ARHGAP26: variants seen among roughly 807,000 people sequenced by gnomAD.
ARHGAP26 encodes the protein Rho GTPase activating protein 26.
In ARHGAP26, 38 loss-of-function variants were observed where a neutral mutation model predicts 104.8. The ratio of observed to expected loss-of-function variants is 0.36; its 90% CI spans 0.28 to 0.48. ARHGAP26 has a LOEUF of 0.48. Among genes scored for constraint, ARHGAP26 ranks in the 20% least tolerant of loss-of-function variants. The pLI is 0.99. For missense variants in ARHGAP26, 704 were observed against 947.9 expected (o/e 0.74, Z 3.38); for synonymous variants, 341 against 340.0 (o/e 1.00, Z -0.03).
chr5:142,885,703 C>A (rs1757602311), intron 5 of ARHGAP26, among the ~76,000 whole-genome samples: 1 of 152,142 alleles, frequency 6.6e-6, no homozygotes, highest in Non-Finnish European at 1.5e-5. Context: ...ATTTCTTTTC[C>A]TGTTTCTCTC....
chr5:143,060,636 G>A (rs1015017729), intron 17 of ARHGAP26, among the ~76,000 whole-genome samples: 2 of 151,638 alleles, frequency 1.3e-5, no homozygotes, highest in African/African-American at 4.9e-5. Flanking sequence ...TTTTCTGTTT[G>A]GATCTTGGAA....
intron 1 of ARHGAP26, among the ~76,000 whole-genome samples, chr5:142,844,103 G>A (rs1771397153): frequency 6.7e-6 from 1 of 148,414 alleles, no homozygotes; most frequent in Admixed American, 6.7e-5. Flanking sequence ...CCAGGCTAGA[G>A]TGTAGTGGCA....
chr5:142,874,571 AGAC>A (rs1319415317), intron 2 of ARHGAP26, among the ~76,000 whole-genome samples: 2 of 152,244 alleles, frequency 1.3e-5, no homozygotes, highest in African/African-American at 4.8e-5. Flanking sequence ...ATTTTGGCAA[AGAC>A]GACTGTTCAT....
At chr5:143,221,755 T>A (rs961334838) in intron 22 of ARHGAP26, among the ~76,000 whole-genome samples, 8 of 152,180 alleles carry the variant, frequency 5.3e-5, no homozygotes, top group African/African-American at 1.9e-4. Flanking sequence ...ACTCCTGGGC[T>A]AAAGCAATTC....
At chr5:142,910,256 T>C (rs752533294) in intron 9 of ARHGAP26, among the ~76,000 whole-genome samples, 13 of 152,164 alleles carry the variant, frequency 8.5e-5, no homozygotes, top group Non-Finnish European at 1.5e-4. Context: ...ATTTAACAAG[T>C]TACAGAGCTG....
chr5:142,775,650 C>A (rs1756166787), intron 1 of ARHGAP26, among the ~76,000 whole-genome samples: 1 of 152,214 alleles, frequency 6.6e-6, no homozygotes, highest in Non-Finnish European at 1.5e-5. Flanking sequence ...TCCCCTCCCC[C>A]AACCCTAGTA....
intron 18 of ARHGAP26, among the ~76,000 whole-genome samples, chr5:143,130,461 T>G (rs1298459725): frequency 2.0e-5 from 3 of 152,134 alleles, no homozygotes; most frequent in African/African-American, 7.2e-5. Flanking sequence ...AAAGTCTCTG[T>G]GAAATGAGTA....
At chr5:142,828,400 T>G (rs1767728334) in intron 1 of ARHGAP26, among the ~76,000 whole-genome samples, 1 of 152,176 alleles carries the variant, frequency 6.6e-6, no homozygotes, top group South Asian at 2.1e-4. Flanking sequence ...TGACTTAAGT[T>G]TTTTTTATTT....
intron 1 of ARHGAP26, among the ~76,000 whole-genome samples, chr5:142,779,178 TAGC>T (rs148259581): frequency 0.015 from 2,333 of 152,296 alleles, 68 homozygotes; most frequent in African/African-American, 0.053. Flanking sequence ...ACAACAGCAT[TAGC>T]AGCCAGAGGA....
intron 17 of ARHGAP26, among the ~76,000 whole-genome samples, chr5:143,101,577 C>G (rs1793238971): frequency 6.6e-6 from 1 of 151,922 alleles, no homozygotes; most frequent in African/African-American, 2.4e-5. Flanking sequence ...CCAGGCAGTG[C>G]TTTGGTGTTT....
chr5:142,950,477 CT>C (rs1768146877), intron 11 of ARHGAP26, among the ~76,000 whole-genome samples: 1 of 151,762 alleles, frequency 6.6e-6, no homozygotes, highest in African/African-American at 2.4e-5. Flanking sequence ...GCTGCATGTT[CT>C]TTTTCCTAAA....
intron 20 of ARHGAP26, among the ~76,000 whole-genome samples, chr5:143,157,695 A>G (rs1426789971): frequency 2.0e-5 from 3 of 152,230 alleles, no homozygotes; most frequent in African/African-American, 4.8e-5. Context: ...CTCATAATGG[A>G]TGGCATTACT....
intron 20 of ARHGAP26, among the ~76,000 whole-genome samples, chr5:143,149,444 C>T (rs924450618): frequency 2.0e-5 from 3 of 152,150 alleles, no homozygotes; most frequent in Non-Finnish European, 4.4e-5. Flanking sequence ...ATAAGCTCTG[C>T]AGGCAGGCTC....
At chr5:142,864,919 T>C (rs1166118086) in intron 1 of ARHGAP26, among the ~76,000 whole-genome samples, 1 of 152,238 alleles carries the variant, frequency 6.6e-6, no homozygotes, top group Non-Finnish European at 1.5e-5. Context: ...GCCTCTGAAT[T>C]ACCTTCCCCT....
At chr5:142,824,816 C>T (rs187016126) in intron 1 of ARHGAP26, among the ~76,000 whole-genome samples, 1 of 152,182 alleles carries the variant, frequency 6.6e-6, no homozygotes, top group African/African-American at 2.4e-5. Flanking sequence ...AAGAGTGCCA[C>T]GGAAGGGGCT....
At chr5:142,821,593 A>C (rs1766205858) in intron 1 of ARHGAP26, among the ~76,000 whole-genome samples, 1 of 152,122 alleles carries the variant, frequency 6.6e-6, no homozygotes, top group South Asian at 2.1e-4. Flanking sequence ...TCGTCTGGGA[A>C]TTTGTTAGAA....
intron 13 of ARHGAP26, among the ~76,000 whole-genome samples, chr5:143,040,011 C>T (rs145001608): frequency 3.5e-4 from 54 of 152,234 alleles, no homozygotes; most frequent in African/African-American, 1.3e-3. Context: ...TATGTGCATA[C>T]GTATTTATGG....
At chr5:143,156,899 A>T (rs568610103) in intron 20 of ARHGAP26, among the ~76,000 whole-genome samples, 1 of 152,362 alleles carries the variant, frequency 6.6e-6, no homozygotes, top group East Asian at 1.9e-4. Context: ...CTGCTTCGCA[A>T]ATGCGTGCCT....
At chr5:143,177,483 G>T (rs942602274) in intron 20 of ARHGAP26, among the ~76,000 whole-genome samples, 1 of 152,182 alleles carries the variant, frequency 6.6e-6, no homozygotes, top group Non-Finnish European at 1.5e-5. Context: ...TGGCAGAGCT[G>T]GCACGTCAGT....
Sources: gnomAD v4.1 joint callset for allele counts (sites outside exome capture counted in the v4.1 genomes callset) on GRCh38, gnomAD v4.1.1 for gene constraint, MANE v1.5 for transcripts, NCBI Gene and HGNC (gene_info 2026-07-23, HGNC 2026-07-21) for gene names.